SCN9A: variants seen among roughly 807,000 people sequenced by gnomAD.
SCN9A encodes the protein sodium channel protein type 9 subunit alpha.
A neutral mutation model predicts 187.0 loss-of-function variants in SCN9A; 131 were observed. The ratio of observed to expected loss-of-function variants is 0.70; its 90% CI spans 0.61 to 0.81. The LOEUF (loss-of-function observed/expected upper bound fraction) is 0.81. Ranked by LOEUF, SCN9A falls within the 30% of genes least tolerant of loss-of-function variation. The pLI, the probability that SCN9A is intolerant of heterozygous loss-of-function variation, is 0.00. For missense variants in SCN9A, 2,252 were observed against 2,396.6 expected, an observed-to-expected ratio of 0.94 and a Z score of 1.26; for synonymous variants, 809 against 808.6, an observed-to-expected ratio of 1.00 and a Z score of -0.01.
intron 12 of SCN9A, among the ~76,000 whole-genome samples, chr2:166,283,924 A>T (rs1414125659): frequency 6.6e-6 from 1 of 152,148 alleles, no homozygotes; most frequent in Non-Finnish European, 1.5e-5. Context: ...CCCATGCCTC[A>T]ATTTTCCCAT....
chr2:166,222,954 A>AAC (rs1694674433), intron 24 of SCN9A, among the ~76,000 whole-genome samples: 5 of 122,864 alleles, frequency 4.1e-5, no homozygotes, highest in Admixed American at 2.3e-4. Flanking sequence ...ACAAAAAAAA[A>AAC]AAAAAAAAAA....
At chr2:166,219,292 C>T (rs1181160013) in intron 24 of SCN9A, among the ~76,000 whole-genome samples, 1 of 152,060 alleles carries the variant, frequency 6.6e-6, no homozygotes, top group African/African-American at 2.4e-5. Context: ...GCACTATTCA[C>T]AATGGCAAAG....
intron 1 of SCN9A, among the ~76,000 whole-genome samples, chr2:166,345,704 T>C (rs1699884645): frequency 6.6e-6 from 1 of 152,140 alleles, no homozygotes; most frequent in Non-Finnish European, 1.5e-5. Context: ...CTTCCTGAGC[T>C]CCTGATGTTG....
chr2:166,333,075 C>T (rs945419718), intron 1 of SCN9A, among the ~76,000 whole-genome samples: 1 of 151,354 alleles, frequency 6.6e-6, no homozygotes, highest in African/African-American at 2.4e-5. Context: ...TGTAAGAATG[C>T]TATAATATTT....
At chr2:166,293,108 T>A (rs1442643488) in intron 9 of SCN9A, 123 bp downstream of exon 9, 1 of 767,356 alleles carries the variant, frequency 1.3e-6, no homozygotes, top group Non-Finnish European at 2.1e-6. Flanking sequence ...ATAATTTTGG[T>A]AATAAGATAA....
At chr2:166,371,761 A>G (rs1466624107) in intron 1 of SCN9A, among the ~76,000 whole-genome samples, 1 of 152,208 alleles carries the variant, frequency 6.6e-6, no homozygotes, top group Admixed American at 6.5e-5. Context: ...TGTGATGTGT[A>G]ATATGAAGGA....
chr2:166,344,668 A>G lies in SCN9A; in HGVS notation c.-51+31029T>C, dbSNP rs113737673. 8.6e-3 allele frequency among the ~76,000 whole-genome samples: 1,311 copies of G among 152,248 alleles called. 9 individuals are homozygous for G. Among genetic ancestry groups the G allele is most frequent in the South Asian group, 0.015 (72 of 4,824 alleles). ...TTTTCTCCCCACAACAAATAATCTA[A>G]TTTGTTTTGAAGCTCCTTTTAGTGA... On this transcript the variant is annotated intron_variant, in intron 1 of 26. Coordinates refer to ENST00000642356, the MANE Select transcript of SCN9A (RefSeq NM_001365536.1).
chr2:166,293,030 G>A (rs1334991743), intron 9 of SCN9A, among the ~76,000 whole-genome samples: 2 of 152,026 alleles, frequency 1.3e-5, no homozygotes, highest in Non-Finnish European at 2.9e-5. Context: ...AATATGCCCA[G>A]AAAAGATAAG....
chr2:166,254,613 G>T (rs769197562), intron 17 of SCN9A, among the ~76,000 whole-genome samples: 30 of 151,116 alleles, frequency 2.0e-4, no homozygotes, highest in Non-Finnish European at 3.6e-4. Flanking sequence ...TATTTTATAT[G>T]ATTAATTTCT....
At chr2:166,237,606 CTTTGTA>C (rs901042488) in intron 20 of SCN9A, among the ~76,000 whole-genome samples, 32 of 152,096 alleles carry the variant, frequency 2.1e-4, no homozygotes, top group African/African-American at 6.3e-4. Flanking sequence ...ACAAAGTTAA[CTTTGTA>C]TTTGTATAAT....
chr2:166,237,464 C>T (rs1695367308), intron 20 of SCN9A, among the ~76,000 whole-genome samples: 1 of 152,044 alleles, frequency 6.6e-6, no homozygotes, highest in East Asian at 1.9e-4. Flanking sequence ...ACTCCTCTGC[C>T]CCACTGCCAT....
At chr2:166,336,811 T>C (rs1337632150) in intron 1 of SCN9A, among the ~76,000 whole-genome samples, 1 of 152,124 alleles carries the variant, frequency 6.6e-6, no homozygotes, top group East Asian at 1.9e-4. Flanking sequence ...TTGGTACTCC[T>C]TTTATAGTAC....
chr2:166,323,899 A>G (rs536425753), intron 1 of SCN9A, among the ~76,000 whole-genome samples: 1 of 151,876 alleles, frequency 6.6e-6, no homozygotes, highest in East Asian at 1.9e-4. Context: ...CATCTCTTGT[A>G]GAAAGCAAGT....
At chr2:166,304,190 T>G (rs200258203) in intron 6 of SCN9A, 48 bp downstream of exon 6, 2 of 1,607,706 alleles carry the variant, frequency 1.2e-6, no homozygotes, top group Non-Finnish European at 1.7e-6. Context: ...AACTCCCAAA[T>G]AGTTGGAGTT....
At chr2:166,251,974 G>A (rs769916184) in intron 17 of SCN9A, 89 bp from the exon 18 acceptor site, 53 of 1,433,174 alleles carry the variant, frequency 3.7e-5, no homozygotes, top group Middle Eastern at 1.8e-4. Context: ...TCAGACTCAT[G>A]CAAAGTATTA....
intron 1 of SCN9A, among the ~76,000 whole-genome samples, chr2:166,317,490 A>G (rs1699137124): frequency 6.6e-6 from 1 of 152,192 alleles, no homozygotes. Flanking sequence ...AACTACTAAA[A>G]TTAAAAAATG....
At position 166,286,341 on chromosome 2, in the gene SCN9A, T is replaced by C; in HGVS notation, c.1597A>G (p.Asn533Asp). Residue 533 changes from asparagine (N) to aspartate (D), a missense_variant, in exon 11 of 27, where the codon AAT becomes GAT. Around this residue, in one of 7 missense-constraint regions of SCN9A, gnomAD observed 1,013 missense variants for 997.4 expected, o/e 1.02. Coordinates refer to ENST00000642356, the MANE Select transcript of SCN9A (RefSeq NM_001365536.1). The stretch of plus-strand genomic sequence containing the variant: ...TTTAGCAATTTGGGTGGTACCTGAT[T>C]GGGGGTAGACAACCTCTTTTCATGT... The part of the protein sequence containing the change: ...RAHEKRLSTP[N>D]QSPLSIRGSL... 3 of 1,604,150 alleles carry C rather than the reference T, an allele frequency of 1.9e-6. No individual in the cohort carries two copies. Among genetic ancestry groups the C allele is most frequent in the Non-Finnish European group, 2.5e-6 (3 of 1,176,530 alleles).
chr2:166,274,257 C>A (rs1248713450), intron 16 of SCN9A, among the ~76,000 whole-genome samples: 2 of 152,048 alleles, frequency 1.3e-5, no homozygotes, highest in Non-Finnish European at 2.9e-5. Context: ...ATTTCTATAA[C>A]CTAGTGGGTA....
chr2:166,303,385 T>C (rs1698644286), intron 6 of SCN9A, 83 bp from the exon 7 acceptor site: 2 of 1,103,124 alleles, frequency 1.8e-6, no homozygotes, highest in Middle Eastern at 2.8e-4. Flanking sequence ...TAGAAAGTCA[T>C]GCATTATATC....
Sources: gnomAD v4.1 joint callset for allele counts (sites outside exome capture counted in the v4.1 genomes callset) on GRCh38, gnomAD v4.1.1 for gene constraint, gnomAD v4.1.1 regional missense constraint, MANE v1.5 for transcripts, NCBI Gene and HGNC (gene_info 2026-07-23, HGNC 2026-07-21) for gene names.